The following CCDC91 variants were observed in gnomAD, a reference collection of about 807,000 sequenced individuals.
The protein encoded by CCDC91 is coiled-coil domain containing 91.
In CCDC91, 48 loss-of-function variants were observed where a neutral mutation model predicts 63.2. That is an observed-to-expected ratio of 0.76 (90% confidence interval 0.60 to 0.97). CCDC91 has a LOEUF of 0.97. Ranked by LOEUF, CCDC91 falls within the 50% of genes least tolerant of loss-of-function variation. The probability of loss-of-function intolerance (pLI) is 0.00; values close to 1 mark genes in which losing one functional copy is unlikely to be tolerated. For missense variants in CCDC91, 500 were observed against 494.6 expected (o/e 1.01, Z -0.10); for synonymous variants, 167 against 165.8 (o/e 1.01, Z -0.06).
At chr12:28,509,724 T>C (rs918822482) in intron 12 of CCDC91, among the ~76,000 whole-genome samples, 1 of 151,912 alleles carries the variant, frequency 6.6e-6, no homozygotes, top group African/African-American at 2.4e-5. Flanking sequence ...ATGAAAATAT[T>C]TGTATTGCTC....
At chr12:28,499,829 G>C (rs1375008686) in intron 12 of CCDC91, among the ~76,000 whole-genome samples, 1 of 152,076 alleles carries the variant, frequency 6.6e-6, no homozygotes, top group Non-Finnish European at 1.5e-5. Context: ...CTTTATAGTA[G>C]AATGATTTAT....
chr12:28,238,787 A>C (rs1007172867), intron 1 of CCDC91, among the ~76,000 whole-genome samples: 9 of 152,174 alleles, frequency 5.9e-5, no homozygotes, highest in African/African-American at 1.9e-4. Context: ...TGGGATTTGC[A>C]TGGGGAATTA....
rs1941109796 is a variant in CCDC91 at position 28,190,573 on chromosome 12, G to C, written c.-83G>C. ...TGTACGCGTAGGGGTCTGTGTGCTGGGGGTGGCTCACCGGGCAGCGTGGGT... is the reference window on the plus strand; with the variant it reads ...TGTACGCGTAGGGGTCTGTGTGCTGCGGGTGGCTCACCGGGCAGCGTGGGT... On this transcript the variant is annotated 5_prime_UTR_variant, in exon 1 of 13. Transcript: ENST00000536442. The C allele has an allele frequency of 6.5e-6, 1 of 154,398 alleles. No individual in the cohort carries two copies. The highest frequency in any genetic ancestry group is 6.5e-5 in the Admixed American group (1 of 15,306). The allele number at this position is 154,398 out of a possible 1,614,324, so 9.6% of individuals were successfully genotyped here.
At chr12:28,378,733 C>T (rs533804778) in intron 7 of CCDC91, among the ~76,000 whole-genome samples, 100 of 152,092 alleles carry the variant, frequency 6.6e-4, no homozygotes, top group African/African-American at 2.2e-3. Flanking sequence ...TTTTCCTGGA[C>T]AAATAAAGAT....
intron 3 of CCDC91, among the ~76,000 whole-genome samples, chr12:28,270,153 T>C (rs989862091): frequency 6.6e-6 from 1 of 152,116 alleles, no homozygotes; most frequent in Non-Finnish European, 1.5e-5. Context: ...TGTTAAAGGC[T>C]AGTTTTATTG....
At chr12:28,522,749 G>A (rs1335960459) in intron 12 of CCDC91, among the ~76,000 whole-genome samples, 2 of 152,124 alleles carry the variant, frequency 1.3e-5, no homozygotes, top group African/African-American at 4.8e-5. Flanking sequence ...CTTTCAATGT[G>A]TCCCAGAAAT....
intron 1 of CCDC91, among the ~76,000 whole-genome samples, chr12:28,197,831 C>T (rs147112691): frequency 1.5e-4 from 23 of 152,040 alleles, no homozygotes; most frequent in African/African-American, 4.8e-4. Context: ...TTCTAAGTGG[C>T]GTAAAGATTA....
intron 1 of CCDC91, among the ~76,000 whole-genome samples, chr12:28,231,637 TTAAA>T (rs150237470): frequency 3.3e-4 from 50 of 152,158 alleles, no homozygotes; most frequent in Non-Finnish European, 6.6e-4. Flanking sequence ...TTAACTGTAC[TTAAA>T]TGAAGATGCA....
chr12:28,335,493 G>A (rs1592344698), intron 6 of CCDC91, among the ~76,000 whole-genome samples: 1 of 149,686 alleles, frequency 6.7e-6, no homozygotes, highest in African/African-American at 2.5e-5. Flanking sequence ...CTGCAGCCTC[G>A]ACCTCCCAGG....
chr12:28,431,296 G>A (rs1321815621), intron 8 of CCDC91, among the ~76,000 whole-genome samples: 1 of 152,042 alleles, frequency 6.6e-6, no homozygotes, highest in African/African-American at 2.4e-5. Flanking sequence ...TCCATTGCTT[G>A]ATCCATTGAT....
intron 3 of CCDC91, 108 bp downstream of exon 3, chr12:28,259,550 T>C: frequency 1.5e-6 from 1 of 681,590 alleles, no homozygotes; most frequent in Non-Finnish European, 2.6e-6. Context: ...CCTTCACTGA[T>C]CTGAAAAATG....
At position 28,363,010 on chromosome 12, in the gene CCDC91, TGCC is replaced by T. The variant is rs1944006046; in HGVS notation, c.654+496_654+498del. On this transcript the variant is annotated intron_variant, in intron 7 of 12. Coordinates refer to ENST00000536442, the MANE Select transcript of CCDC91 (RefSeq NM_018318.5). ...TTATTTTAAAAATTATTCAATTCTG[TGCC>T]TGCATAAGCTGAAATATTTAAAGCA... Among the ~76,000 whole-genome samples, 4 of 152,294 alleles carry T rather than the reference TGCC, an allele frequency of 2.6e-5. No individual in the cohort carries two copies. The South Asian group carries it at 8.3e-4, about 32-fold the overall frequency.
At chr12:28,272,487 G>A (rs535995223) in intron 3 of CCDC91, among the ~76,000 whole-genome samples, 2 of 138,076 alleles carry the variant, frequency 1.4e-5, no homozygotes, top group East Asian at 2.4e-4. Context: ...TTCACGTTTT[G>A]GCTGTTCTGC....
chr12:28,510,291 A>T lies in CCDC91; in HGVS notation c.1215+26126A>T, dbSNP rs373833436. On this transcript the variant is annotated intron_variant, in intron 12 of 12. Transcript: ENST00000536442. ...GATTTATCATAAAGGACTGGCTGTC[A>T]TGATTCTGGAGGCTGAGAAGTCCTA... Among the ~76,000 whole-genome samples the T allele has an allele frequency of 2.1e-5, 3 of 146,252 alleles. No homozygotes were observed. The East Asian group carries it at 5.9e-4, about 29-fold the overall frequency.
intron 12 of CCDC91, among the ~76,000 whole-genome samples, chr12:28,497,877 G>A (rs1299521687): frequency 6.6e-6 from 1 of 151,500 alleles, no homozygotes; most frequent in Non-Finnish European, 1.5e-5. Flanking sequence ...TTAAGCTTTA[G>A]TGTGACTATA....
chr12:28,429,287 G>T (rs1171204363), intron 8 of CCDC91, among the ~76,000 whole-genome samples: 1 of 152,094 alleles, frequency 6.6e-6, no homozygotes, highest in East Asian at 1.9e-4. Context: ...TCACAGTCAA[G>T]TTTTAATCCA....
At chr12:28,307,879 C>A in intron 6 of CCDC91, 130 bp downstream of exon 6, 1 of 601,516 alleles carries the variant, frequency 1.7e-6, no homozygotes, top group Non-Finnish European at 2.9e-6. Context: ...TAAAACTGAC[C>A]AACATGGGCT....
chr12:28,498,748 C>G (rs1489993267), intron 12 of CCDC91, among the ~76,000 whole-genome samples: 1 of 151,622 alleles, frequency 6.6e-6, no homozygotes, highest in Non-Finnish European at 1.5e-5. Flanking sequence ...ATGTTTTTAT[C>G]ATTCACTATT....
chr12:28,201,089 C>T (rs1266781781), intron 1 of CCDC91, among the ~76,000 whole-genome samples: 3 of 150,174 alleles, frequency 2.0e-5, no homozygotes, highest in African/African-American at 4.9e-5. Context: ...GGCAGAGGCG[C>T]CCCTCACCTC....
Sources: gnomAD v4.1 joint callset for allele counts (sites outside exome capture counted in the v4.1 genomes callset) on GRCh38, gnomAD v4.1.1 for gene constraint, MANE v1.5 for transcripts, NCBI Gene and HGNC (gene_info 2026-07-23, HGNC 2026-07-21) for gene names.